Variants in SORT1 observed in about 807,000 individuals in gnomAD.
SORT1 encodes sortilin.
Under a neutral mutation model 101.7 loss-of-function variants are expected in SORT1, and 39 were observed. The ratio of observed to expected loss-of-function variants is 0.38; its 90% CI spans 0.30 to 0.50. SORT1 has a LOEUF of 0.50. Among genes scored for constraint, SORT1 ranks in the 20% least tolerant of loss-of-function variants. The pLI, the probability that SORT1 is intolerant of heterozygous loss-of-function variation, is 0.90. For missense variants in SORT1, 878 were observed against 1,040.4 expected, an observed-to-expected ratio of 0.84 and a Z score of 2.15; for synonymous variants, 396 against 393.7, an observed-to-expected ratio of 1.01 and a Z score of -0.07.
At chr1:109,364,811 CAACT>C (rs1489269394) in intron 3 of SORT1, among the ~76,000 whole-genome samples, 1 of 152,164 alleles carries the variant, frequency 6.6e-6, no homozygotes, top group African/African-American at 2.4e-5. Flanking sequence ...GGCATGGCAG[CAACT>C]AACAGCACCA....
chr1:109,316,273 A>C (rs1358516301), intron 17 of SORT1, among the ~76,000 whole-genome samples: 1 of 151,280 alleles, frequency 6.6e-6, no homozygotes, highest in Non-Finnish European at 1.5e-5. Context: ...GTTGGAGTGT[A>C]GCAGCACGAT....
intron 1 of SORT1, among the ~76,000 whole-genome samples, chr1:109,379,744 G>C (rs948565247): frequency 6.6e-6 from 1 of 152,140 alleles, no homozygotes; most frequent in Non-Finnish European, 1.5e-5. Context: ...TCCCATGACA[G>C]AGTTACTGGC....
intron 8 of SORT1, among the ~76,000 whole-genome samples, 197 bp downstream of exon 8, chr1:109,345,554 A>G (rs926981731): frequency 3.3e-5 from 5 of 152,130 alleles, no homozygotes; most frequent in Non-Finnish European, 5.9e-5. Context: ...CAGAATTCAC[A>G]TGGTGACAGA....
chr1:109,325,369 G>A (rs1364396669), intron 13 of SORT1, among the ~76,000 whole-genome samples: 1 of 150,444 alleles, frequency 6.6e-6, no homozygotes, highest in Admixed American at 6.7e-5. Context: ...AGCCTCCTGA[G>A]TAGCTGGGAT....
intron 1 of SORT1, among the ~76,000 whole-genome samples, chr1:109,375,747 A>G (rs1470564519): frequency 1.3e-5 from 2 of 152,118 alleles, no homozygotes; most frequent in Non-Finnish European, 2.9e-5. Context: ...GACATTACAT[A>G]CAGAGAAACA....
chr1:109,380,242 G>C (rs1652131448), intron 1 of SORT1, among the ~76,000 whole-genome samples: 1 of 152,042 alleles, frequency 6.6e-6, no homozygotes, highest in Non-Finnish European at 1.5e-5. Context: ...GTAGTGATCT[G>C]TGATGGCACC....
chr1:109,372,232 A>T (rs972126501), intron 1 of SORT1, among the ~76,000 whole-genome samples: 3 of 152,204 alleles, frequency 2.0e-5, no homozygotes, highest in Admixed American at 2.0e-4. Context: ...GTCATTCTAC[A>T]CTGCAGTGGC....
intron 12 of SORT1, 60 bp downstream of exon 12, chr1:109,327,439 T>C (rs192741918): frequency 7.6e-5 from 80 of 1,055,788 alleles, no homozygotes; most frequent in Middle Eastern, 6.3e-4. Flanking sequence ...GCCTGTTGGC[T>C]GAGTTTCAGT....
At chr1:109,373,673 C>G (rs746883291) in intron 1 of SORT1, among the ~76,000 whole-genome samples, 6 of 152,160 alleles carry the variant, frequency 3.9e-5, no homozygotes, top group Non-Finnish European at 7.3e-5. Flanking sequence ...AAGCAAGACC[C>G]AAAAGGATCA....
chr1:109,330,901 C>T lies in SORT1; in HGVS notation c.1372-3300G>A, dbSNP rs564567533. 5.3e-5 allele frequency among the ~76,000 whole-genome samples: 8 copies of T among 152,040 alleles called. No individual in the cohort carries two copies. In the South Asian group the frequency reaches 1.7e-3, roughly 32 times the overall value. ...GAATTTCTAGACATATACAGCTTAC[C>T]AAGACTGTATCATGAAGAAGAAATA... On this transcript the variant is annotated intron_variant, in intron 11 of 19. Transcript: ENST00000256637.
chr1:109,374,780 G>A (rs1416974521), intron 1 of SORT1, among the ~76,000 whole-genome samples: 1 of 152,078 alleles, frequency 6.6e-6, no homozygotes, highest in Non-Finnish European at 1.5e-5. Context: ...CCAACATGGT[G>A]AAAACTTGTC....
rs1023077706 is a variant in SORT1, at chr1:109,393,123, G to A, written c.306+4464C>T. On this transcript the variant is annotated intron_variant, in intron 1 of 19. Coordinates refer to ENST00000256637, the MANE Select transcript of SORT1 (RefSeq NM_002959.7). The stretch of plus-strand genomic sequence containing the variant: ...CTGAAGCCTCTGACAGGCACACTCA[G>A]TCCTGTCAGCTTGGACTCAACCCTG... 17 of 985,232 alleles carry A rather than the reference G, an allele frequency of 1.7e-5. No individual in the cohort carries two copies. In the African/African-American group the frequency reaches 3.0e-4, roughly 17 times the overall value. 61.0% of individuals were successfully genotyped at this position (985,232 alleles called of 1,614,324 possible). A position where few individuals can be genotyped will look rare whatever the true frequency, so the allele number is the denominator to read the frequency against.
intron 1 of SORT1, among the ~76,000 whole-genome samples, chr1:109,378,636 T>A (rs1398584184): frequency 7.2e-6 from 1 of 138,426 alleles, no homozygotes; most frequent in Non-Finnish European, 1.5e-5. Flanking sequence ...ATCAAAATAA[T>A]GAATCATATA....
chr1:109,318,341 A>T (rs1647384726), intron 15 of SORT1, among the ~76,000 whole-genome samples: 1 of 152,040 alleles, frequency 6.6e-6, no homozygotes, highest in African/African-American at 2.4e-5. Context: ...TAGTAGAGAG[A>T]GCGTTTCACC....
chr1:109,390,322 T>C (rs1175929058), intron 1 of SORT1, among the ~76,000 whole-genome samples: 3 of 152,202 alleles, frequency 2.0e-5, no homozygotes, highest in Non-Finnish European at 2.9e-5. Context: ...ACTCAGTACA[T>C]GGCAGGCAGC....
rs184902580 is a variant in SORT1, at chr1:109,349,605, A to C, written c.782+1324T>G. On this transcript the variant is annotated intron_variant, in intron 6 of 19. Transcript: ENST00000256637. ...ACATAGTGAGACCCCCTATCTCTAC[A>C]AAATAAAAATACAAAAATTAGCTAG... 2.0e-5 allele frequency among the ~76,000 whole-genome samples: 3 copies of C among 151,464 alleles called. No individual in the cohort carries two copies. In the East Asian group the frequency reaches 5.9e-4, roughly 30 times the overall value.
At chr1:109,326,468 T>TATATATATATAC (rs1211636566) in intron 13 of SORT1, among the ~76,000 whole-genome samples, 12 of 62,726 alleles carry the variant, frequency 1.9e-4, no homozygotes, top group African/African-American at 5.2e-4. Context: ...TATATATACA[T>TATATATATATAC]ACACACACAC....
chr1:109,380,813 C>CAAAAAAAA lies in SORT1; in HGVS notation c.307-11232_307-11225dup, dbSNP rs60568166. Reference sequence around the variant, plus strand: ...GCAACATGGCAAAACCCTGTCGCCACAAAAAAAAAAAAAAAAAAAAAAAAA... The same window carrying CAAAAAAAA: ...GCAACATGGCAAAACCCTGTCGCCACAAAAAAAAAAAAAAAAAAAAAAAAAAAAAAAAA... On this transcript the variant is annotated intron_variant, in intron 1 of 19. Transcript: ENST00000256637. Among the ~76,000 whole-genome samples the CAAAAAAAA allele has an allele frequency of 1.0e-3, 49 of 49,218 alleles. 7 individuals carry two copies. The highest frequency in any genetic ancestry group is 4.7e-3 in the African/African-American group (49 of 10,466). The allele number at this position is 49,218 out of a possible 152,430, so 32.3% of individuals were successfully genotyped here. A position where few individuals can be genotyped will look rare whatever the true frequency, so the allele number is the denominator to read the frequency against.
chr1:109,339,457 G>A (rs977137360), intron 10 of SORT1, among the ~76,000 whole-genome samples: 1 of 152,110 alleles, frequency 6.6e-6, no homozygotes, highest in Admixed American at 6.5e-5. Context: ...CTTCCTCAAC[G>A]AAGATATTCA....
Sources: allele counts gnomAD v4.1 joint callset (sites outside exome capture counted in the v4.1 genomes callset), GRCh38; gene constraint gnomAD v4.1.1; transcripts MANE v1.5; gene names NCBI Gene and HGNC (gene_info 2026-07-23, HGNC 2026-07-21).